The following GNAQ variants were observed in gnomAD, a reference collection of about 807,000 sequenced individuals.
The protein encoded by GNAQ is G protein subunit alpha q, also known as guanine nucleotide-binding protein G(q) subunit alpha.
GNAQ carries 8 observed loss-of-function variants against 43.9 expected under a neutral mutation model. That is an observed-to-expected ratio of 0.18 (90% CI 0.11 to 0.33). GNAQ has a LOEUF of 0.33. GNAQ is among the 10% of genes least tolerant of loss of function. The pLI, the probability that GNAQ is intolerant of heterozygous loss-of-function variation, is 1.00. For synonymous variants in GNAQ, 155 were observed against 170.7 expected (o/e 0.91, Z 0.71); for missense variants, 158 against 450.8 (o/e 0.35, Z 5.88).
At chr9:77,745,692 A>C (rs886858687) in intron 5 of GNAQ, among the ~76,000 whole-genome samples, 2 of 151,824 alleles carry the variant, frequency 1.3e-5, no homozygotes, top group Admixed American at 1.3e-4. Flanking sequence ...GGAAGTAGAA[A>C]AAGCAATAGA....
intron 1 of GNAQ, among the ~76,000 whole-genome samples, chr9:77,994,589 T>C (rs994448982): frequency 6.6e-6 from 1 of 152,174 alleles, no homozygotes; most frequent in Non-Finnish European, 1.5e-5. Flanking sequence ...TACTGCTGTA[T>C]TCACTTATGA....
At chr9:77,834,354 G>A (rs1827349759) in intron 2 of GNAQ, among the ~76,000 whole-genome samples, 1 of 152,110 alleles carries the variant, frequency 6.6e-6, no homozygotes, top group South Asian at 2.1e-4. Flanking sequence ...GTAGCATATT[G>A]CTTTTTTACT....
chr9:77,922,777 C>T (rs1201792122), intron 1 of GNAQ, among the ~76,000 whole-genome samples: 1 of 152,044 alleles, frequency 6.6e-6, no homozygotes, highest in South Asian at 2.1e-4. Flanking sequence ...CTTACACAAA[C>T]GGTATTCAGA....
chr9:77,890,989 T>C (rs1828396769), intron 2 of GNAQ, among the ~76,000 whole-genome samples: 1 of 152,156 alleles, frequency 6.6e-6, no homozygotes, highest in Non-Finnish European at 1.5e-5. Flanking sequence ...AAGGAAGAAA[T>C]GCAAAAGATA....
chr9:77,947,901 G>A (rs1025402821), intron 1 of GNAQ, among the ~76,000 whole-genome samples: 2 of 152,078 alleles, frequency 1.3e-5, no homozygotes, highest in African/African-American at 4.8e-5. Flanking sequence ...AACAGCTGTG[G>A]GACCTAGAGC....
At chr9:77,779,193 A>G (rs1217191953) in intron 5 of GNAQ, among the ~76,000 whole-genome samples, 1 of 151,994 alleles carries the variant, frequency 6.6e-6, no homozygotes, top group African/African-American at 2.4e-5. Flanking sequence ...TAACAAATTT[A>G]AAAGAATGAA....
chr9:77,834,041 C>G (rs1827343706), intron 2 of GNAQ, among the ~76,000 whole-genome samples: 1 of 151,776 alleles, frequency 6.6e-6, no homozygotes, highest in African/African-American at 2.4e-5. Context: ...GTATTGTGTA[C>G]CAATAAATAG....
chr9:77,981,708 G>A (rs1173047784), intron 1 of GNAQ, among the ~76,000 whole-genome samples: 1 of 152,100 alleles, frequency 6.6e-6, no homozygotes, highest in African/African-American at 2.4e-5. Context: ...TATTTCTCAT[G>A]TCCCTAGCCT....
rs183430847 is a variant in GNAQ at position 77,818,619 on chromosome 9, T to C, written c.322-2849A>G. ...CAATTATTAATGAAAAAGACAATGATGAAAAGGAAAAAACTCACCTCAAAT... is the reference window on the plus strand; with the variant it reads ...CAATTATTAATGAAAAAGACAATGACGAAAAGGAAAAAACTCACCTCAAAT... On this transcript the variant is annotated intron_variant, in intron 2 of 6. Transcript: ENST00000286548. Among the ~76,000 whole-genome samples, 91 of 152,134 alleles carry C rather than the reference T, an allele frequency of 6.0e-4. No individual in the cohort carries two copies. In the East Asian group the frequency reaches 6.4e-3, roughly 11 times the overall value.
intron 5 of GNAQ, among the ~76,000 whole-genome samples, chr9:77,783,969 C>T (rs1404887886): frequency 6.6e-6 from 1 of 152,004 alleles, no homozygotes; most frequent in African/African-American, 2.4e-5. Flanking sequence ...ACTAATAACA[C>T]ACATAATAAT....
chr9:77,794,369 G>T, intron 5 of GNAQ, 94 bp downstream of exon 5: 2 of 818,876 alleles, frequency 2.4e-6, no homozygotes, highest in East Asian at 2.8e-5. Context: ...AAGCAAAGAA[G>T]TAAGTTCACT....
chr9:78,020,603 A>T (rs1033380692), intron 1 of GNAQ, among the ~76,000 whole-genome samples: 7 of 152,194 alleles, frequency 4.6e-5, no homozygotes, highest in African/African-American at 1.7e-4. Context: ...GGCGGCCAGA[A>T]GAGGCAGCAT....
At chr9:77,874,085 CA>C (rs1828087461) in intron 2 of GNAQ, among the ~76,000 whole-genome samples, 1 of 138,484 alleles carries the variant, frequency 7.2e-6, no homozygotes, top group African/African-American at 2.7e-5. Flanking sequence ...ACCTGGGCAA[CA>C]AGAGCGAAAC....
intron 5 of GNAQ, among the ~76,000 whole-genome samples, chr9:77,793,353 T>C (rs1826606925): frequency 6.6e-6 from 1 of 152,080 alleles, no homozygotes; most frequent in Non-Finnish European, 1.5e-5. Context: ...GATTCCGAAA[T>C]GCATGAACAG....
chr9:77,861,309 A>G (rs551073959), intron 2 of GNAQ, among the ~76,000 whole-genome samples: 1 of 152,318 alleles, frequency 6.6e-6, no homozygotes, highest in East Asian at 1.9e-4. Context: ...TGGGAATTCA[A>G]GGTGAGATTT....
intron 2 of GNAQ, among the ~76,000 whole-genome samples, chr9:77,879,462 T>G (rs573189745): frequency 6.6e-6 from 1 of 152,092 alleles, no homozygotes; most frequent in Non-Finnish European, 1.5e-5. Context: ...TTTCACCACG[T>G]TGGCCTCAAA....
chr9:77,856,451 C>T (rs12005544), intron 2 of GNAQ, among the ~76,000 whole-genome samples: 83 of 152,110 alleles, frequency 5.5e-4, no homozygotes, highest in African/African-American at 1.7e-3. Context: ...ATTAACTCAA[C>T]TTTTTAATAA....
intron 1 of GNAQ, among the ~76,000 whole-genome samples, chr9:77,971,514 A>T (rs1433516391): frequency 1.3e-5 from 2 of 152,242 alleles, no homozygotes; most frequent in Admixed American, 6.5e-5. Context: ...CATGAACAGA[A>T]CCAACGACAA....
At chr9:77,740,743 G>A (rs925522558) in intron 5 of GNAQ, among the ~76,000 whole-genome samples, 10 of 152,020 alleles carry the variant, frequency 6.6e-5, no homozygotes, top group African/African-American at 2.2e-4. Context: ...TGTATTTTTG[G>A]CTATATGAAT....
Sources: gnomAD v4.1 joint callset for allele counts (sites outside exome capture counted in the v4.1 genomes callset) on GRCh38, gnomAD v4.1.1 for gene constraint, MANE v1.5 for transcripts, NCBI Gene and HGNC (gene_info 2026-07-23, HGNC 2026-07-21) for gene names.